SEC14L5: variants seen among roughly 807,000 people sequenced by gnomAD.
The protein encoded by SEC14L5 is SEC14-like protein 5.
Under a neutral mutation model 84.6 loss-of-function variants are expected in SEC14L5, and 96 were observed. The ratio of observed to expected loss-of-function variants is 1.13; its 90% CI spans 0.96 to 1.34. The LOEUF is 1.34. Among genes scored for constraint, SEC14L5 ranks in the 40% most tolerant of loss-of-function variants. The pLI is 0.00. For missense variants in SEC14L5, 1,224 were observed against 942.5 expected (o/e 1.30, Z -3.91); for synonymous variants, 546 against 383.4 (o/e 1.42, Z -4.95).
At chr16:5,007,861 C>T (rs1596643985) in intron 13 of SEC14L5, among the ~76,000 whole-genome samples, 1 of 150,742 alleles carries the variant, frequency 6.6e-6, no homozygotes, top group East Asian at 2.0e-4. Flanking sequence ...CCGCCTAGGC[C>T]TCCCAAAGTT....
At chr16:4,988,033 A>T in intron 3 of SEC14L5, 116 bp from the exon 4 acceptor site, 4 of 1,136,896 alleles carry the variant, frequency 3.5e-6, no homozygotes, top group Non-Finnish European at 5.0e-6. Context: ...CGGTGGCGCA[A>T]GGGACCTGGG....
chr16:5,005,176 A>T (rs1240918420), intron 11 of SEC14L5, among the ~76,000 whole-genome samples: 1 of 152,174 alleles, frequency 6.6e-6, no homozygotes, highest in African/African-American at 2.4e-5. Context: ...TTAGCCAGGC[A>T]TGGTGGTGGG....
chr16:4,988,408 G>A lies in SEC14L5; in HGVS notation c.345+128G>A, dbSNP rs1955519250. 9 of 1,206,330 alleles carry A rather than the reference G, an allele frequency of 7.5e-6. No individual in the cohort carries two copies. In the South Asian group the frequency reaches 1.4e-4, roughly 18 times the overall value. The allele number at this position is 1,206,330 out of a possible 1,614,324, so 74.7% of individuals were successfully genotyped here. A position where few individuals can be genotyped will look rare whatever the true frequency, so the allele number is the denominator to read the frequency against. ...GCCCTCCCTCCTGGGGCATTGTCAA[G>A]AAAGATGCAGGATGCTTGGTTGCCT... On this transcript the variant is annotated intron_variant, in intron 4 of 15. Transcript: ENST00000251170.
chr16:4,972,024 A>G (rs984421236), intron 2 of SEC14L5, among the ~76,000 whole-genome samples: 3 of 151,528 alleles, frequency 2.0e-5, no homozygotes, highest in Admixed American at 2.0e-4. Context: ...GAGGTGGCTT[A>G]TTCTTTTTTT....
At chr16:4,958,617 CGTGTGTGTGCATGTGCGCACGG>C (rs948414677) in intron 1 of SEC14L5, among the ~76,000 whole-genome samples, 172 bp downstream of exon 1, 6 of 152,048 alleles carry the variant, frequency 3.9e-5, no homozygotes, top group Non-Finnish European at 7.4e-5. Flanking sequence ...CGTGTGTGTA[CGTGTGTGTGCATGTGCGCACGG>C]GTGTGTGTGC....
chr16:4,961,328 C>T (rs1596609726), intron 2 of SEC14L5, among the ~76,000 whole-genome samples: 1 of 152,122 alleles, frequency 6.6e-6, no homozygotes, highest in Admixed American at 6.6e-5. Flanking sequence ...TTCTGAGCCC[C>T]ATTTTCTTTT....
In SEC14L5 at chr16:5,005,922, C is replaced by T; in HGVS notation, c.1311C>T (p.Pro437=). ...VFPVLWTLIS[P]FINENTRRKF... ...TTATGTCCTGGTTTCAGATCAGCCC[C>T]TTCATCAATGAGAACACCAGGCGGA... is the stretch of plus-strand genomic sequence containing the variant. The change falls in exon 12 of 16, where the codon CCC becomes CCT. Residue 437 remains proline (P), a synonymous_variant. Coordinates refer to ENST00000251170, the MANE Select transcript of SEC14L5 (RefSeq NM_014692.2). 7 of 1,593,040 alleles carry T rather than the reference C, an allele frequency of 4.4e-6. No individual in the cohort carries two copies. The highest frequency in any genetic ancestry group is 6.0e-6 in the Non-Finnish European group (7 of 1,169,736).
chr16:5,008,805 C>A (rs1291300078), intron 14 of SEC14L5, among the ~76,000 whole-genome samples, 157 bp downstream of exon 14: 1 of 152,216 alleles, frequency 6.6e-6, no homozygotes, highest in African/African-American at 2.4e-5. Flanking sequence ...CACAGGGTCT[C>A]ATGTAATGAA....
At chr16:4,993,640 G>A (rs530232967) in intron 6 of SEC14L5, among the ~76,000 whole-genome samples, 102 of 152,334 alleles carry the variant, frequency 6.7e-4, no homozygotes, top group Non-Finnish European at 1.9e-4. Flanking sequence ...CATGGTACAT[G>A]TGAGTACTTA....
Position 4,987,507 on chromosome 16 carries a change from GGT to G in SEC14L5, c.64-49_64-48del, listed in dbSNP as rs753700752. The G allele has an allele frequency of 1.0e-5, 15 of 1,453,094 alleles. No individual in the cohort carries two copies. The African/African-American group carries it at 2.2e-4, about 21-fold the overall frequency. 90.0% of individuals were successfully genotyped at this position (1,453,094 alleles called of 1,614,324 possible). A position where few individuals can be genotyped will look rare whatever the true frequency, so the allele number is the denominator to read the frequency against. ...ATAAGGAGGTCGCGCTGGGGGGGGG[GGT>G]CCCTCTGCCCCCCCCACCACGGCCG... On this transcript the variant is annotated intron_variant, in intron 2 of 15. Transcript: ENST00000251170.
intron 2 of SEC14L5, among the ~76,000 whole-genome samples, chr16:4,972,419 C>T (rs1378489890): frequency 6.6e-6 from 1 of 152,204 alleles, no homozygotes; most frequent in African/African-American, 2.4e-5. Flanking sequence ...CAACTGTCTC[C>T]ACTGTCCATC....
At chr16:4,989,927 C>G (rs993025147) in intron 4 of SEC14L5, among the ~76,000 whole-genome samples, 1 of 152,170 alleles carries the variant, frequency 6.6e-6, no homozygotes, top group East Asian at 1.9e-4. Flanking sequence ...TGCCCACAGA[C>G]GTTTGAGGAG....
At position 5,000,731 on chromosome 16, in the gene SEC14L5, G is replaced by A. The variant is rs1239351688; in HGVS notation, c.1047G>A (p.Ala349=). ...TGATGAAGGCCGTGGGGGAGGAGGC[G>A]CTGCTGCGGCATGTGAGTCAGGGGC... is the stretch of plus-strand genomic sequence containing the variant. ...KGLMKAVGEE[A]LLRHVLSVNE... Residue 349 remains alanine (A), a synonymous_variant, in exon 9 of 16, where the codon GCG becomes GCA. Coordinates refer to ENST00000251170, the MANE Select transcript of SEC14L5 (RefSeq NM_014692.2). 9.7e-6 allele frequency: 15 copies of A among 1,552,512 alleles called. No individual in the cohort carries two copies. Among genetic ancestry groups the A allele is most frequent in the Admixed American group, 2.0e-5 (1 of 51,052 alleles).
chr16:4,972,827 C>G (rs540924898), intron 2 of SEC14L5, among the ~76,000 whole-genome samples: 2 of 152,304 alleles, frequency 1.3e-5, no homozygotes, highest in African/African-American at 2.4e-5. Context: ...TTTTAAGTCT[C>G]CATTGGTTTG....
intron 14 of SEC14L5, 129 bp from the exon 15 acceptor site, chr16:5,010,966 T>TG (rs1166364677): frequency 1.2e-6 from 1 of 835,664 alleles, no homozygotes; most frequent in African/African-American, 1.7e-5. Flanking sequence ...GCTGGTGGAC[T>TG]GGAGAAAGGG....
At chr16:5,007,295 C>G in intron 12 of SEC14L5, 57 bp from the exon 13 acceptor site, 1 of 1,562,116 alleles carries the variant, frequency 6.4e-7, no homozygotes, top group Non-Finnish European at 8.7e-7. Context: ...TTCTGTGGGT[C>G]AGGCCAGCCA....
Position 5,008,285 on chromosome 16 carries a change from C to T in SEC14L5, c.1573-136C>T, listed in dbSNP as rs116100810. 1.7e-3 allele frequency: 1,128 copies of T among 649,860 alleles called. 9 individuals are homozygous for T. In the African/African-American group the frequency reaches 0.019, roughly 11 times the overall value. The allele number at this position is 649,860 out of a possible 1,614,324, so 40.3% of individuals were successfully genotyped here. On this transcript the variant is annotated intron_variant, in intron 13 of 15. Transcript: ENST00000251170. Reference sequence around the variant, plus strand: ...CAGGAGAAAACTGAGGAGAGGAGGGCACTCCTGTAAGGAATGAGCGTGTGC... The same window carrying T: ...CAGGAGAAAACTGAGGAGAGGAGGGTACTCCTGTAAGGAATGAGCGTGTGC...
intron 2 of SEC14L5, among the ~76,000 whole-genome samples, chr16:4,974,604 CT>C (rs60355877): frequency 0.42 from 62,790 of 150,858 alleles, 13,453 homozygotes; most frequent in Non-Finnish European, 0.47. Context: ...TGGGGTACAG[CT>C]TTTTTTTTTA....
At chr16:4,967,562 G>A (rs4786569) in intron 2 of SEC14L5, among the ~76,000 whole-genome samples, 4,021 of 36,972 alleles carry the variant, frequency 0.11, 228 homozygotes, top group Middle Eastern at 0.26. Flanking sequence ...TCTTTCTTTC[G>A]TTTTTTTTTT....
Sources: allele counts gnomAD v4.1 joint callset (sites outside exome capture counted in the v4.1 genomes callset), GRCh38; gene constraint gnomAD v4.1.1; transcripts MANE v1.5; gene names NCBI Gene and HGNC (gene_info 2026-07-23, HGNC 2026-07-21).